Variants in KLHL3 observed in about 807,000 individuals in gnomAD.
KLHL3 encodes kelch-like protein 3.
A neutral mutation model predicts 70.5 loss-of-function variants in KLHL3; 19 were observed. That is an observed-to-expected ratio of 0.27 (90% CI 0.19 to 0.40). The LOEUF is 0.40. Ranked by LOEUF, KLHL3 falls within the 10% of genes least tolerant of loss-of-function variation. The pLI, the probability that KLHL3 is intolerant of heterozygous loss-of-function variation, is 1.00. For missense variants in KLHL3, 512 were observed against 771.1 expected, an observed-to-expected ratio of 0.66 and a Z score of 3.98; for synonymous variants, 258 against 290.3, an observed-to-expected ratio of 0.89 and a Z score of 1.13.
intron 1 of KLHL3, among the ~76,000 whole-genome samples, chr5:137,725,409 C>T (rs1219280463): frequency 2.0e-5 from 3 of 152,138 alleles, no homozygotes; most frequent in Non-Finnish European, 4.4e-5. Flanking sequence ...AAAAACTGGC[C>T]CCAGATTCTA....
chr5:137,663,467 T>G (rs1751537333), intron 6 of KLHL3, among the ~76,000 whole-genome samples: 2 of 151,882 alleles, frequency 1.3e-5, no homozygotes. Context: ...TCCTCCCATA[T>G]ACTTTAAATC....
At chr5:137,706,074 T>C (rs1752679516) in intron 3 of KLHL3, 3 of 985,460 alleles carry the variant, frequency 3.0e-6, no homozygotes, top group Non-Finnish European at 3.6e-6. Context: ...TTCCAAGTTA[T>C]TGTCCACAGG....
chr5:137,728,088 T>C (rs548649891), intron 1 of KLHL3, among the ~76,000 whole-genome samples: 1 of 152,304 alleles, frequency 6.6e-6, no homozygotes, highest in East Asian at 1.9e-4. Context: ...TAGAAAGTGA[T>C]GAGTTTGGGG....
chr5:137,628,757 A>G lies in KLHL3; in HGVS notation c.1451-320T>C, dbSNP rs148554500. ...GACATACATACATACATACATACAT[A>G]CATACATACATACATACGGGAGAGG... On this transcript the variant is annotated intron_variant, in intron 12 of 14. Transcript: ENST00000309755. 50 of 177,922 alleles carry G rather than the reference A, an allele frequency of 2.8e-4. No individual in the cohort carries two copies. In the East Asian group the frequency reaches 6.9e-3, roughly 24 times the overall value. 11.0% of individuals were successfully genotyped at this position (177,922 alleles called of 1,614,324 possible). A position where few individuals can be genotyped will look rare whatever the true frequency, so the allele number is the denominator to read the frequency against.
At chr5:137,695,302 C>A (rs897323451) in intron 4 of KLHL3, among the ~76,000 whole-genome samples, 1 of 152,342 alleles carries the variant, frequency 6.6e-6, no homozygotes, top group African/African-American at 2.4e-5. Flanking sequence ...TACCTCTCCA[C>A]ACCCCTTATC....
intron 8 of KLHL3, among the ~76,000 whole-genome samples, chr5:137,650,181 G>A (rs1751165420): frequency 6.6e-6 from 1 of 152,206 alleles, no homozygotes; most frequent in Admixed American, 6.5e-5. Flanking sequence ...ACCAGAGGGT[G>A]TAAACCAGTT....
chr5:137,645,378 C>G (rs1751017948), intron 8 of KLHL3, among the ~76,000 whole-genome samples: 1 of 152,040 alleles, frequency 6.6e-6, no homozygotes, highest in African/African-American at 2.4e-5. Flanking sequence ...AAACTGCTTG[C>G]AGAGAATATG....
chr5:137,687,562 C>T (rs1301718684), intron 5 of KLHL3, among the ~76,000 whole-genome samples: 3 of 16,840 alleles, frequency 1.8e-4, no homozygotes, highest in African/African-American at 3.6e-4. Flanking sequence ...GCCCCCCGCC[C>T]GGCCAGCCGC....
intron 7 of KLHL3, chr5:137,660,951 C>G (rs759436376): frequency 5.2e-5 from 8 of 153,054 alleles, no homozygotes; most frequent in Non-Finnish European, 1.0e-4. Flanking sequence ...GCTGCTAAAC[C>G]TCCTCTTTAT....
chr5:137,689,512 T>C (rs1019870328), intron 5 of KLHL3, among the ~76,000 whole-genome samples: 1 of 152,222 alleles, frequency 6.6e-6, no homozygotes, highest in African/African-American at 2.4e-5. Context: ...AACAAAATCA[T>C]GTCCTTTGCA....
intron 3 of KLHL3, among the ~76,000 whole-genome samples, chr5:137,699,417 G>A (rs113810718): frequency 1.3e-5 from 2 of 152,108 alleles, no homozygotes; most frequent in Non-Finnish European, 2.9e-5. Context: ...TTTATCCCAG[G>A]TGTAGCACCA....
intron 11 of KLHL3, among the ~76,000 whole-genome samples, chr5:137,636,288 C>CACCTA (rs1249560508): frequency 2.6e-5 from 4 of 152,212 alleles, no homozygotes; most frequent in Non-Finnish European, 4.4e-5. Flanking sequence ...CTGGATGTTA[C>CACCTA]ACTCACCCCA....
rs138942924 is a variant in KLHL3, at chr5:137,662,240, T to TACACACAC, written c.637-217_637-210dup. Among the ~76,000 whole-genome samples the TACACACAC allele has an allele frequency of 1.8e-3, 252 of 141,842 alleles. 3 individuals carry two copies. Among genetic ancestry groups the TACACACAC allele is most frequent in the Non-Finnish European group, 9.7e-4 (63 of 64,786 alleles). 93.1% of individuals were successfully genotyped at this position (141,842 alleles called of 152,430 possible). On this transcript the variant is annotated intron_variant, in intron 6 of 14. Transcript: ENST00000309755. ...TCAGAGAGTGATCACACACACACTC[T>TACACACAC]ACACACACACACACACACACACACA...
chr5:137,724,353 C>T (rs919693394), intron 1 of KLHL3, among the ~76,000 whole-genome samples: 1 of 152,180 alleles, frequency 6.6e-6, no homozygotes, highest in African/African-American at 2.4e-5. Context: ...TTTAGAAGCA[C>T]TGACACAATC....
At chr5:137,699,444 A>C (rs962402042) in intron 3 of KLHL3, among the ~76,000 whole-genome samples, 1 of 152,144 alleles carries the variant, frequency 6.6e-6, no homozygotes, top group Admixed American at 6.5e-5. Flanking sequence ...GGTTTTCAAC[A>C]GGGAAATGAC....
chr5:137,633,948 A>T, intron 12 of KLHL3, 89 bp downstream of exon 12: 1 of 1,523,642 alleles, frequency 6.6e-7, no homozygotes, highest in Non-Finnish European at 9.0e-7. Context: ...CTGCACATGT[A>T]CCCTCTAAAT....
chr5:137,707,550 T>C (rs963669623), intron 3 of KLHL3: 6 of 154,366 alleles, frequency 3.9e-5, no homozygotes, highest in Non-Finnish European at 7.3e-5. Flanking sequence ...TACTCTTACC[T>C]AGATGTTGTA....
chr5:137,709,923 T>C, intron 2 of KLHL3, 67 bp from the exon 3 acceptor site: 2 of 1,266,934 alleles, frequency 1.6e-6, no homozygotes, highest in Non-Finnish European at 2.3e-6. Flanking sequence ...CTTACAAGGG[T>C]ATTTTTTTCT....
intron 2 of KLHL3, among the ~76,000 whole-genome samples, chr5:137,713,153 CAAAAAAAA>C (rs958291877): frequency 2.6e-5 from 1 of 38,440 alleles, no homozygotes; most frequent in Non-Finnish European, 5.4e-5. Flanking sequence ...GAATAACCAG[CAAAAAAAA>C]AAAAAAAAAA....
Sources: gnomAD v4.1 joint callset for allele counts (sites outside exome capture counted in the v4.1 genomes callset) on GRCh38, gnomAD v4.1.1 for gene constraint, MANE v1.5 for transcripts, NCBI Gene and HGNC (gene_info 2026-07-23, HGNC 2026-07-21) for gene names.